GRAMD1A: variants seen among roughly 807,000 people sequenced by gnomAD.
GRAMD1A encodes the protein protein Aster-A.
Under a neutral mutation model 92.0 loss-of-function variants are expected in GRAMD1A, and 50 were observed. That is an observed-to-expected ratio of 0.54 (90% CI 0.43 to 0.69). The LOEUF is 0.69. Among genes scored for constraint, GRAMD1A ranks in the 30% least tolerant of loss-of-function variants. GRAMD1A has a pLI of 0.00. For missense variants in GRAMD1A, 819 were observed against 978.9 expected, an observed-to-expected ratio of 0.84 and a Z score of 2.18; for synonymous variants, 405 against 403.6, an observed-to-expected ratio of 1.00 and a Z score of -0.04.
In GRAMD1A at chr19:35,013,206, G is replaced by T. The variant is rs1260099692; in HGVS notation, c.607-50G>T. The T allele has an allele frequency of 1.0e-6, 1 of 994,032 alleles. No individual in the cohort carries two copies. The highest frequency in any genetic ancestry group is 1.5e-6 in the Non-Finnish European group (1 of 657,114). The allele number at this position is 994,032 out of a possible 1,614,324, so 61.6% of individuals were successfully genotyped here. A position where few individuals can be genotyped will look rare whatever the true frequency, so the allele number is the denominator to read the frequency against. ...GGCTGGTGGGGAATCTGGCGGGCCG[G>T]GCTCTGGCTGGGGTGAGATGGAGGC... On this transcript the variant is annotated intron_variant, in intron 7 of 19. Coordinates refer to ENST00000317991, the MANE Select transcript of GRAMD1A (RefSeq NM_020895.5). This position sits in a 1 kb window ranked among gnomAD's most constrained non-coding sequence, Gnocchi z 4.9.
At chr19:35,019,833 C>G (rs2015921738) in intron 13 of GRAMD1A, among the ~76,000 whole-genome samples, 1 of 152,138 alleles carries the variant, frequency 6.6e-6, no homozygotes, top group Admixed American at 6.5e-5. Context: ...GAGAAATGAT[C>G]AGGAAAATCT....
At chr19:34,995,577 T>TTTG (rs747377609), upstream of GRAMD1A, among the ~76,000 whole-genome samples, 139 of 118,978 alleles carry the variant, frequency 1.2e-3, 5 homozygotes, top group South Asian at 4.7e-3. Flanking sequence ...ACGGGTTTTT[T>TTTG]TTTTTTTTTT....
chr19:35,015,764 G>A (rs996430765), intron 10 of GRAMD1A, 60 bp from the exon 11 acceptor site: 27 of 1,543,108 alleles, frequency 1.7e-5, no homozygotes, highest in Non-Finnish European at 2.4e-5. Flanking sequence ...GGGAGGCGTG[G>A]CCCGCAGAGG....
Position 35,000,359 on chromosome 19 carries a change from G to A in GRAMD1A, c.-120G>A, listed in dbSNP as rs1451672272. 9.1e-7 allele frequency: 1 copy of A among 1,097,438 alleles called. No homozygotes were observed. The highest frequency in any genetic ancestry group is 1.1e-6 in the Non-Finnish European group (1 of 903,548). The allele number at this position is 1,097,438 out of a possible 1,614,324, so 68.0% of individuals were successfully genotyped here. A position where few individuals can be genotyped will look rare whatever the true frequency, so the allele number is the denominator to read the frequency against. ...GCGGTTGGGTCGGGTGGGGGCGGCG[G>A]CCGCGGAAGGCCAGGCCGGTGCCCT... is the stretch of plus-strand genomic sequence containing the variant. On this transcript the variant is annotated 5_prime_UTR_variant, in exon 1 of 20. Coordinates refer to ENST00000317991, the MANE Select transcript of GRAMD1A (RefSeq NM_020895.5). This position sits in a 1 kb window ranked among gnomAD's most constrained non-coding sequence, Gnocchi z 4.9.
Position 35,022,035 on chromosome 19 carries a change from T to C in GRAMD1A, c.1838T>C (p.Ile613Thr), listed in dbSNP as rs369953090. Residue 613 changes from isoleucine (I) to threonine (T), a missense_variant, in exon 16 of 20, where the codon ATT becomes ACT. Physicochemically the swap from Ile to Thr is moderately conservative, Grantham distance 89. Transcript: ENST00000317991. ...GIPSALVLIS[I>T]VICVSLIILI... ...CCCAGTGCCCTGGTTCTCATCAGCATTGTGTGAGTAAGAGACAGGAGCAGT... is the reference window on the plus strand; with the variant it reads ...CCCAGTGCCCTGGTTCTCATCAGCACTGTGTGAGTAAGAGACAGGAGCAGT... 1 of 1,611,154 alleles carries C rather than the reference T, an allele frequency of 6.2e-7. No homozygotes were observed. The highest frequency in any genetic ancestry group is 1.7e-5 in the Admixed American group (1 of 59,928).
chr19:35,000,562 TG>T lies in GRAMD1A; in HGVS notation c.8+80del. The T allele has an allele frequency of 2.2e-6, 2 of 897,452 alleles. No individual in the cohort carries two copies. Among genetic ancestry groups the T allele is most frequent in the Non-Finnish European group, 2.6e-6 (2 of 765,676 alleles). 55.6% of individuals were successfully genotyped at this position (897,452 alleles called of 1,614,324 possible). On this transcript the variant is annotated intron_variant, in intron 1 of 19. Coordinates refer to ENST00000317991, the MANE Select transcript of GRAMD1A (RefSeq NM_020895.5). This position sits in a 1 kb window ranked among gnomAD's most constrained non-coding sequence, Gnocchi z 4.9. ...CCGGAGGGAGGGGGCGCCGCGGGCTTGGGGAGGGGGCGGAGCGGCCGCTGCA... is the reference window on the plus strand; with the variant it reads ...CCGGAGGGAGGGGGCGCCGCGGGCTTGGGAGGGGGCGGAGCGGCCGCTGCA...
chr19:35,015,723 C>G (rs2015571986), intron 10 of GRAMD1A, 101 bp from the exon 11 acceptor site: 1 of 1,127,980 alleles, frequency 8.9e-7, no homozygotes. Context: ...GAGGTGGGGT[C>G]CGCCCATGCA....
In GRAMD1A at chr19:35,021,621, C is replaced by T. The variant is rs1376100135; in HGVS notation, c.1579+16C>T. 39 of 1,612,890 alleles carry T rather than the reference C, an allele frequency of 2.4e-5. No individual in the cohort carries two copies. Among genetic ancestry groups the T allele is most frequent in the Admixed American group, 5.0e-5 (3 of 60,012 alleles). ...CACCATCTGGGTAGGGACAGAAGGCCGGCTGGGGCGTGGGTTGGGGGATGG... is the reference window on the plus strand; with the variant it reads ...CACCATCTGGGTAGGGACAGAAGGCTGGCTGGGGCGTGGGTTGGGGGATGG... On this transcript the variant is annotated intron_variant, in intron 14 of 19. Coordinates refer to ENST00000317991, the MANE Select transcript of GRAMD1A (RefSeq NM_020895.5). The surrounding 1 kb of genome is among the most constrained non-coding windows in gnomAD (Gnocchi z 5.3).
chr19:35,011,512 C>T lies in GRAMD1A; in HGVS notation c.564C>T (p.Phe188=), dbSNP rs758528625. Residue 188 remains phenylalanine (F), a synonymous_variant, in exon 7 of 20, where the codon TTC becomes TTT. Coordinates refer to ENST00000317991, the MANE Select transcript of GRAMD1A (RefSeq NM_020895.5). ...CCTTTGGGGCCCGTGACCGCTGCTTCCTCCTCATCTTCCGCCTCTGGCAGA... is the reference window on the plus strand; with the variant it reads ...CCTTTGGGGCCCGTGACCGCTGCTTTCTCCTCATCTTCCGCCTCTGGCAGA... The part of the protein sequence containing the change: ...FTSFGARDRC[F]LLIFRLWQNA... The T allele has an allele frequency of 3.1e-6, 5 of 1,611,820 alleles. No individual in the cohort carries two copies. Among genetic ancestry groups the T allele is most frequent in the South Asian group, 2.2e-5 (2 of 91,078 alleles).
Position 35,000,749 on chromosome 19 carries a change from G to A in GRAMD1A, c.8+263G>A, listed in dbSNP as rs2014304525. ...GCCGGCCCGCGACGCACTGGGTTGCGGGGTTTGGCTGGGGGCCCGCGGGTT... is the reference window on the plus strand; with the variant it reads ...GCCGGCCCGCGACGCACTGGGTTGCAGGGTTTGGCTGGGGGCCCGCGGGTT... On this transcript the variant is annotated intron_variant, in intron 1 of 19. Coordinates refer to ENST00000317991, the MANE Select transcript of GRAMD1A (RefSeq NM_020895.5). This position sits in a 1 kb window ranked among gnomAD's most constrained non-coding sequence, Gnocchi z 4.9. Among the ~76,000 whole-genome samples the A allele has an allele frequency of 6.6e-6, 1 of 152,022 alleles. No individual in the cohort carries two copies. Among genetic ancestry groups the A allele is most frequent in the Non-Finnish European group, 1.5e-5 (1 of 67,964 alleles).
At chr19:35,025,576 T>C (rs2016377812) in intron 19 of GRAMD1A, among the ~76,000 whole-genome samples, 1 of 152,168 alleles carries the variant, frequency 6.6e-6, no homozygotes, top group Non-Finnish European at 1.5e-5. Flanking sequence ...GTAGGCGATA[T>C]GAGGCATCCA....
chr19:34,995,764 G>T (rs1415087910), upstream of GRAMD1A, among the ~76,000 whole-genome samples: 1 of 151,700 alleles, frequency 6.6e-6, no homozygotes, highest in East Asian at 1.9e-4. Context: ...TTAACTTTTT[G>T]TAGAGATAAG....
intron 1 of GRAMD1A, among the ~76,000 whole-genome samples, chr19:35,003,688 C>G (rs570432988): frequency 6.6e-6 from 1 of 152,256 alleles, no homozygotes; most frequent in South Asian, 2.1e-4. Flanking sequence ...GCTTAGGAGT[C>G]TCTCCCTGCT....
intron 1 of GRAMD1A, among the ~76,000 whole-genome samples, chr19:35,001,443 T>A (rs1279462192): frequency 6.6e-6 from 1 of 152,182 alleles, no homozygotes; most frequent in Non-Finnish European, 1.5e-5. Context: ...GGGCTGTGTG[T>A]GTTTTACCAT....
Position 35,009,295 on chromosome 19 carries a change from G to T in GRAMD1A, c.185G>T (p.Ser62Ile), listed in dbSNP as rs2015048904. The T allele has an allele frequency of 6.2e-7, 1 of 1,614,086 alleles. No individual in the cohort carries two copies. ...GTGCCTGGGACCCCCAGCACCCAGA[G>T]CCTAGGCAGCCGGAACTTCATCCGC... ...GGVPGTPSTQSLGSRNFIRNS... is the reference protein window; with the variant it reads ...GGVPGTPSTQILGSRNFIRNS... The change falls in exon 2 of 20, where the codon AGC becomes ATC. Residue 62 changes from serine to isoleucine, a missense_variant. Ser to Ile is a moderately radical substitution (Grantham distance 142). This residue lies in a region of GRAMD1A where 98 missense variants were observed against 84.0 expected (regional missense o/e 1.17). Coordinates refer to ENST00000317991, the MANE Select transcript of GRAMD1A (RefSeq NM_020895.5).
In GRAMD1A at chr19:35,019,294, C is replaced by T. The variant is rs766791164; in HGVS notation, c.1317C>T (p.Ser439=). Residue 439 remains serine (S), a synonymous_variant, in exon 12 of 20, where the codon TCC becomes TCT. Coordinates refer to ENST00000317991, the MANE Select transcript of GRAMD1A (RefSeq NM_020895.5). The part of the protein sequence containing the change: ...ISNPLGPKSA[S]VVETQTLFRR... ...ACCCACTGGGCCCCAAGAGCGCCTCCGTGGTGGAGACACAGGTGGGCCAGG... is the reference window on the plus strand; with the variant it reads ...ACCCACTGGGCCCCAAGAGCGCCTCTGTGGTGGAGACACAGGTGGGCCAGG... 28 of 1,613,114 alleles carry T rather than the reference C, an allele frequency of 1.7e-5. No homozygotes were observed. Among genetic ancestry groups the T allele is most frequent in the Admixed American group, 6.7e-5 (4 of 59,992 alleles).
intron 10 of GRAMD1A, chr19:35,014,834 C>A: frequency 5.6e-6 from 1 of 177,360 alleles, no homozygotes; most frequent in South Asian, 1.2e-4. Flanking sequence ...GGAGAACAGC[C>A]TGGGCAGCAA....
chr19:35,021,974 G>A lies in GRAMD1A; in HGVS notation c.1777G>A (p.Glu593Lys), dbSNP rs369166163. Residue 593 changes from glutamate to lysine, a missense_variant, in exon 16 of 20, where the codon GAA (glutamate) becomes AAA (lysine). Transcript: ENST00000317991. The surrounding 1 kb of genome is among the most constrained non-coding windows in gnomAD (Gnocchi z 5.3). ...TSGSLSSRFSEPSVDQGPGAG... is the reference protein window; with the variant it reads ...TSGSLSSRFSKPSVDQGPGAG... ...AGGCTCCCTCAGCTCCCGCTTCTCC[G>A]AACCATCTGTGGACCAGGGCCCCGG... is the stretch of plus-strand genomic sequence containing the variant. 1.5e-5 allele frequency: 25 copies of A among 1,613,962 alleles called. No homozygotes were observed. Among genetic ancestry groups the A allele is most frequent in the Admixed American group, 3.3e-5 (2 of 59,986 alleles).
At position 35,026,020 on chromosome 19, in the gene GRAMD1A, C is replaced by T. The variant is rs188651219; in HGVS notation, c.2083-29C>T. 1.5e-4 allele frequency: 185 copies of T among 1,226,966 alleles called. 1 individual carries two copies. In the East Asian group the frequency reaches 3.7e-3, roughly 25 times the overall value. 76.0% of individuals were successfully genotyped at this position (1,226,966 alleles called of 1,614,324 possible). On this transcript the variant is annotated intron_variant, in intron 19 of 19. Coordinates refer to ENST00000317991, the MANE Select transcript of GRAMD1A (RefSeq NM_020895.5). Reference sequence around the variant, plus strand: ...TCACCCCCCAGCCTCCAGCGTTCACCCCCGACCCTGCTCACCTCCTCCCCG... The same window carrying T: ...TCACCCCCCAGCCTCCAGCGTTCACTCCCGACCCTGCTCACCTCCTCCCCG...
Sources: gnomAD v4.1 joint callset for allele counts (sites outside exome capture counted in the v4.1 genomes callset) on GRCh38, gnomAD v4.1.1 for gene constraint, gnomAD v4.1.1 regional missense constraint, Gnocchi (gnomAD v3.1) non-coding constraint, MANE v1.5 for transcripts, NCBI Gene and HGNC (gene_info 2026-07-23, HGNC 2026-07-21) for gene names.